The following KHDRBS2 variants were observed in gnomAD, a reference collection of about 807,000 sequenced individuals.
KHDRBS2 encodes KH domain-containing, RNA-binding, signal transduction-associated protein 2.
A neutral mutation model predicts 44.3 loss-of-function variants in KHDRBS2; 26 were observed. That is an observed-to-expected ratio of 0.59 (90% CI 0.43 to 0.81). The LOEUF (loss-of-function observed/expected upper bound fraction) is 0.81. Ranked by LOEUF, KHDRBS2 falls within the 40% of genes least tolerant of loss-of-function variation. The probability of loss-of-function intolerance (pLI) is 0.00; values close to 1 mark genes in which losing one functional copy is unlikely to be tolerated. For synonymous variants in KHDRBS2, 194 were observed against 151.1 expected (o/e 1.28, Z -2.08); for missense variants, 476 against 433.1 (o/e 1.10, Z -0.88).
the KHDRBS2 span, among the ~76,000 whole-genome samples, chr6:61,649,016 GA>G: frequency 2.6e-5 from 4 of 152,014 alleles, no homozygotes; most frequent in Non-Finnish European, 5.9e-5. Flanking sequence ...TGATCAAGGG[GA>G]AAAAAATAAA....
At chr6:61,811,012 G>A (rs947770936) in intron 6 of KHDRBS2, among the ~76,000 whole-genome samples, 1 of 151,924 alleles carries the variant, frequency 6.6e-6, no homozygotes, top group African/African-American at 2.4e-5. Context: ...TGTTACAGGG[G>A]TATATTGTAT....
At chr6:62,071,575 C>A (rs1293656211) in intron 2 of KHDRBS2, among the ~76,000 whole-genome samples, 4 of 152,192 alleles carry the variant, frequency 2.6e-5, no homozygotes, top group African/African-American at 9.7e-5. Flanking sequence ...CCAGTATTCC[C>A]AGCACCATTT....
the KHDRBS2 span, among the ~76,000 whole-genome samples, chr6:61,635,592 G>A: frequency 2.6e-5 from 4 of 151,910 alleles, no homozygotes; most frequent in Admixed American, 2.6e-4. Context: ...TGCAAAGGGG[G>A]AAATGAAGAT....
At chr6:61,887,906 CAA>C (rs1380059605) in intron 6 of KHDRBS2, among the ~76,000 whole-genome samples, 1 of 152,106 alleles carries the variant, frequency 6.6e-6, no homozygotes, top group East Asian at 1.9e-4. Context: ...CTAAGGATTT[CAA>C]AGATTGCAGC....
the KHDRBS2 span, among the ~76,000 whole-genome samples, chr6:61,575,700 G>A: frequency 6.6e-6 from 1 of 152,096 alleles, no homozygotes; most frequent in African/African-American, 2.4e-5. Flanking sequence ...TATGGAACCA[G>A]CCTAAATGCC....
At chr6:61,619,002 C>A in the KHDRBS2 span, among the ~76,000 whole-genome samples, 1 of 152,218 alleles carries the variant, frequency 6.6e-6, no homozygotes, top group African/African-American at 2.4e-5. Flanking sequence ...TATTCCTCAG[C>A]AGCACATTGA....
chr6:61,690,804 T>C (rs1197451638), intron 8 of KHDRBS2, among the ~76,000 whole-genome samples: 1 of 152,034 alleles, frequency 6.6e-6, no homozygotes, highest in Non-Finnish European at 1.5e-5. Context: ...TCAGTAGTCA[T>C]GAGAAGCAGA....
rs114453722 is a variant in KHDRBS2, at chr6:62,144,613, G to A, written c.219+32572C>T. On this transcript the variant is annotated intron_variant, in intron 2 of 8. Coordinates refer to ENST00000281156, the MANE Select transcript of KHDRBS2 (RefSeq NM_152688.4). ...GGATCTCATTTTCATCTTACCAATC[G>A]ATATTTACTCTAGTATTTTAAATAA... is the stretch of plus-strand genomic sequence containing the variant. Among the ~76,000 whole-genome samples, 834 of 151,794 alleles carry A rather than the reference G, an allele frequency of 5.5e-3. 3 individuals carry two copies. The highest frequency in any genetic ancestry group is 9.4e-3 in the Non-Finnish European group (636 of 67,758).
intron 1 of KHDRBS2, among the ~76,000 whole-genome samples, chr6:62,226,692 A>G (rs753178132): frequency 3.9e-5 from 6 of 152,112 alleles, no homozygotes; most frequent in Non-Finnish European, 5.9e-5. Flanking sequence ...TCTTCAGTTA[A>G]TTTTTAGATA....
chr6:62,083,351 A>G (rs1433194058), intron 2 of KHDRBS2, among the ~76,000 whole-genome samples: 1 of 151,966 alleles, frequency 6.6e-6, no homozygotes, highest in East Asian at 1.9e-4. Flanking sequence ...TCCCCATCCT[A>G]TTGAGGGCCA....
intron 3 of KHDRBS2, among the ~76,000 whole-genome samples, chr6:61,980,620 A>ATAG (rs1297251530): frequency 6.6e-6 from 1 of 152,162 alleles, no homozygotes; most frequent in African/African-American, 2.4e-5. Context: ...GATGGGCCTA[A>ATAG]GGCTAAGGAA....
intron 1 of KHDRBS2, among the ~76,000 whole-genome samples, chr6:62,279,126 T>A (rs929422310): frequency 8.6e-5 from 13 of 151,388 alleles, no homozygotes; most frequent in Non-Finnish European, 1.9e-4. Flanking sequence ...TAAAAATAAA[T>A]AAAAAGCAGA....
chr6:61,622,824 C>T, the KHDRBS2 span, among the ~76,000 whole-genome samples: 1 of 152,072 alleles, frequency 6.6e-6, no homozygotes, highest in African/African-American at 2.4e-5. Context: ...GCATCTGCAT[C>T]ACCAAGAACG....
intron 1 of KHDRBS2, among the ~76,000 whole-genome samples, chr6:62,275,715 T>C (rs749856605): frequency 4.6e-5 from 7 of 152,234 alleles, no homozygotes; most frequent in Non-Finnish European, 8.8e-5. Flanking sequence ...AAACAAGTTA[T>C]GTTCTTTAAT....
chr6:62,225,170 T>A (rs572905522), intron 1 of KHDRBS2, among the ~76,000 whole-genome samples: 1 of 152,298 alleles, frequency 6.6e-6, no homozygotes, highest in East Asian at 1.9e-4. Context: ...ATGATCTAGC[T>A]CAGCATGTCA....
chr6:62,189,746 G>C lies in KHDRBS2; in HGVS notation c.92-12434C>G, dbSNP rs188575780. On this transcript the variant is annotated intron_variant, in intron 1 of 8. Coordinates refer to ENST00000281156, the MANE Select transcript of KHDRBS2 (RefSeq NM_152688.4). ...ATAGAATGGAAGTCTAAGAAAAAGG[G>C]GAGAAATCAACAGTGACTCTCAGGT... Among the ~76,000 whole-genome samples, 139 of 151,840 alleles carry C rather than the reference G, an allele frequency of 9.2e-4. 3 individuals carry two copies. Among genetic ancestry groups the C allele is most frequent in the Admixed American group, 8.0e-3 (122 of 15,236 alleles).
chr6:62,258,328 T>C (rs1837757796), intron 1 of KHDRBS2, among the ~76,000 whole-genome samples: 1 of 152,068 alleles, frequency 6.6e-6, no homozygotes, highest in African/African-American at 2.4e-5. Context: ...CGTGGTTTAA[T>C]GGTTAATACG....
intron 1 of KHDRBS2, among the ~76,000 whole-genome samples, chr6:62,185,959 C>CTTAAGGCTTTCTGGACTT (rs1823331752): frequency 6.6e-6 from 1 of 151,964 alleles, no homozygotes; most frequent in Admixed American, 6.6e-5. Flanking sequence ...TGGCCTTGAA[C>CTTAAGGCTTTCTGGACTT]AAGTCACTTA....
At chr6:62,230,159 T>C (rs903302811) in intron 1 of KHDRBS2, among the ~76,000 whole-genome samples, 3 of 152,210 alleles carry the variant, frequency 2.0e-5, no homozygotes, top group Admixed American at 2.0e-4. Context: ...GTATATAATG[T>C]ATTTCAACTC....
Sources: gnomAD v4.1 joint callset for allele counts (sites outside exome capture counted in the v4.1 genomes callset) on GRCh38, gnomAD v4.1.1 for gene constraint, MANE v1.5 for transcripts, NCBI Gene and HGNC (gene_info 2026-07-23, HGNC 2026-07-21) for gene names.